The following TPD52L1 variants were observed in gnomAD, a reference collection of about 807,000 sequenced individuals.
TPD52L1 encodes TPD52 like 1, also known as tumor protein D53.
In TPD52L1, 18 loss-of-function variants were observed where a neutral mutation model predicts 28.7. The observed-to-expected ratio is 0.63, with a 90% CI of 0.43 to 0.93. TPD52L1 has a LOEUF of 0.93. Among genes scored for constraint, TPD52L1 ranks in the 40% least tolerant of loss-of-function variants. TPD52L1 has a pLI of 0.00. For synonymous variants in TPD52L1, 75 were observed against 88.8 expected, an observed-to-expected ratio of 0.84 and a Z score of 0.88; for missense variants, 203 against 254.8, an observed-to-expected ratio of 0.80 and a Z score of 1.39.
At chr6:125,229,356 T>A in intron 3 of TPD52L1, 90 bp downstream of exon 3, 1 of 1,330,488 alleles carries the variant, frequency 7.5e-7, no homozygotes, top group African/African-American at 1.5e-5. Flanking sequence ...CAAGGCTGAT[T>A]TGGTGCATGA....
intron 4 of TPD52L1, 60 bp downstream of exon 4, chr6:125,248,443 G>T: frequency 1.6e-6 from 2 of 1,261,318 alleles, no homozygotes; most frequent in Non-Finnish European, 1.2e-6. Context: ...ATTGAAGGGA[G>T]CACTAGCTAT....
At chr6:125,226,599 T>A (rs1276101773) in intron 2 of TPD52L1, among the ~76,000 whole-genome samples, 1 of 152,062 alleles carries the variant, frequency 6.6e-6, no homozygotes, top group Admixed American at 6.6e-5. Context: ...GTAATTTATT[T>A]CAGCAAGTTA....
At chr6:125,172,552 A>ATACATACATACATACATAC (rs71024714) in intron 1 of TPD52L1, among the ~76,000 whole-genome samples, 1 of 72,398 alleles carries the variant, frequency 1.4e-5, no homozygotes, top group African/African-American at 6.1e-5. Flanking sequence ...ATATATATAT[A>ATACATACATACATACATAC]ATATATATAC....
At chr6:125,239,701 G>A (rs1456956741) in intron 3 of TPD52L1, among the ~76,000 whole-genome samples, 1 of 151,094 alleles carries the variant, frequency 6.6e-6, no homozygotes, top group Non-Finnish European at 1.5e-5. Flanking sequence ...TTGCTGATTT[G>A]TTTGAGTTTT....
intron 6 of TPD52L1, among the ~76,000 whole-genome samples, chr6:125,258,526 C>A (rs527498012): frequency 2.4e-4 from 36 of 152,236 alleles, no homozygotes; most frequent in African/African-American, 6.0e-4. Context: ...GGATGGGTTC[C>A]ATTGCTTGTT....
intron 5 of TPD52L1, among the ~76,000 whole-genome samples, chr6:125,255,227 G>A (rs551302229): frequency 2.6e-5 from 4 of 152,214 alleles, no homozygotes; most frequent in South Asian, 2.1e-4. Context: ...GAGCTTGCCT[G>A]AAACTAACTT....
At chr6:125,193,795 T>C (rs1212614587) in intron 1 of TPD52L1, among the ~76,000 whole-genome samples, 1 of 152,178 alleles carries the variant, frequency 6.6e-6, no homozygotes, top group Non-Finnish European at 1.5e-5. Context: ...CAAGCTGTTA[T>C]ACATTCATTA....
chr6:125,203,964 A>G (rs1793954383), intron 1 of TPD52L1, among the ~76,000 whole-genome samples: 2 of 152,198 alleles, frequency 1.3e-5, no homozygotes, highest in Admixed American at 1.3e-4. Context: ...TAGAACATAT[A>G]ACACAACTAT....
intron 1 of TPD52L1, chr6:125,208,930 G>A: frequency 2.0e-6 from 2 of 985,416 alleles, no homozygotes; most frequent in African/African-American, 1.7e-5. Context: ...GGCCCAAGGT[G>A]TAGCTCAAAG....
intron 1 of TPD52L1, among the ~76,000 whole-genome samples, chr6:125,169,417 T>C (rs551746727): frequency 6.6e-6 from 1 of 151,624 alleles, no homozygotes; most frequent in East Asian, 2.1e-4. Context: ...CTGATCAACA[T>C]CTTGAACTCA....
chr6:125,186,094 A>T (rs1431987607), intron 1 of TPD52L1, among the ~76,000 whole-genome samples: 1 of 152,014 alleles, frequency 6.6e-6, no homozygotes, highest in Non-Finnish European at 1.5e-5. Context: ...GTGTTTCACC[A>T]TGTCGATCAG....
intron 1 of TPD52L1, among the ~76,000 whole-genome samples, chr6:125,195,344 A>T (rs1344548566): frequency 6.6e-6 from 1 of 152,202 alleles, no homozygotes; most frequent in Non-Finnish European, 1.5e-5. Context: ...TGTGGCTCAG[A>T]TCACAATCAC....
At chr6:125,237,021 T>A (rs1184401345) in intron 3 of TPD52L1, among the ~76,000 whole-genome samples, 1 of 152,130 alleles carries the variant, frequency 6.6e-6, no homozygotes, top group African/African-American at 2.4e-5. Context: ...GCAGAACAGC[T>A]AGAGCAGAGA....
At chr6:125,181,195 G>T (rs1306870463) in intron 1 of TPD52L1, among the ~76,000 whole-genome samples, 1 of 152,032 alleles carries the variant, frequency 6.6e-6, no homozygotes, top group African/African-American at 2.4e-5. Flanking sequence ...TAGTAATTAA[G>T]TAGTAAACCT....
chr6:125,158,229 CA>C (rs1790268785), intron 1 of TPD52L1, among the ~76,000 whole-genome samples: 2 of 152,142 alleles, frequency 1.3e-5, no homozygotes, highest in Admixed American at 6.5e-5. Context: ...TAGGGGCCAT[CA>C]TTCAGTTTAC....
intron 1 of TPD52L1, among the ~76,000 whole-genome samples, chr6:125,163,744 C>A (rs978742150): frequency 6.6e-6 from 1 of 150,892 alleles, no homozygotes; most frequent in Non-Finnish European, 1.5e-5. Context: ...TGATCAACAT[C>A]GTGAAACCCC....
intron 1 of TPD52L1, among the ~76,000 whole-genome samples, chr6:125,181,289 A>T (rs73771259): frequency 0.049 from 7,394 of 152,272 alleles, 417 homozygotes; most frequent in East Asian, 0.33. Flanking sequence ...AACATAAGAT[A>T]CTCACGCAGA....
chr6:125,235,138 C>A (rs1173117190), intron 3 of TPD52L1, among the ~76,000 whole-genome samples: 1 of 92,052 alleles, frequency 1.1e-5, no homozygotes, highest in Non-Finnish European at 2.4e-5. Context: ...TAATAAAACA[C>A]CAACTTCTTT....
intron 3 of TPD52L1, among the ~76,000 whole-genome samples, chr6:125,237,653 A>G (rs373170800): frequency 6.6e-6 from 1 of 152,138 alleles, no homozygotes; most frequent in African/African-American, 2.4e-5. Context: ...TCATCAGCAT[A>G]TAATACTGTA....
Sources: allele counts gnomAD v4.1 joint callset (sites outside exome capture counted in the v4.1 genomes callset), GRCh38; gene constraint gnomAD v4.1.1; transcripts MANE v1.5; gene names NCBI Gene and HGNC (gene_info 2026-07-23, HGNC 2026-07-21).